Variants in ABRACL observed in about 807,000 individuals in gnomAD.
ABRACL encodes ABRA C-terminal like.
ABRACL carries 4 observed loss-of-function variants against 7.0 expected under a neutral mutation model. The ratio of observed to expected loss-of-function variants is 0.57; its 90% CI spans 0.28 to 1.30. The LOEUF (loss-of-function observed/expected upper bound fraction) is 1.30, where lower values mean the gene tolerates loss of function less well. ABRACL is among the 50% of genes most tolerant of loss of function. The pLI, the probability that ABRACL is intolerant of heterozygous loss-of-function variation, is 0.10. For missense variants in ABRACL, 104 were observed against 97.3 expected, an observed-to-expected ratio of 1.07 and a Z score of -0.29; for synonymous variants, 30 against 36.0, an observed-to-expected ratio of 0.83 and a Z score of 0.60.
intron 2 of ABRACL, among the ~76,000 whole-genome samples, chr6:139,035,548 T>C (rs1786140771): frequency 6.6e-6 from 1 of 151,890 alleles, no homozygotes. Flanking sequence ...AGTGGTGCAA[T>C]CTCAGCTCAC....
chr6:139,029,882 C>T (rs1380525453), intron 1 of ABRACL, among the ~76,000 whole-genome samples: 2 of 152,152 alleles, frequency 1.3e-5, no homozygotes, highest in Admixed American at 6.5e-5. Flanking sequence ...CATGCATTGC[C>T]TCCAAACTTT....
At chr6:139,035,418 C>G (rs896142614) in intron 2 of ABRACL, among the ~76,000 whole-genome samples, 2 of 152,130 alleles carry the variant, frequency 1.3e-5, no homozygotes, top group Non-Finnish European at 2.9e-5. Context: ...CTGTGTTTCT[C>G]TGTCTTCAAA....
rs561665654 is a variant in ABRACL, at chr6:139,040,216, A to G, written c.62-2503A>G. Among the ~76,000 whole-genome samples the G allele has an allele frequency of 1.2e-4, 19 of 152,322 alleles. No homozygotes were observed. In the East Asian group the frequency reaches 3.7e-3, roughly 29 times the overall value. Reference sequence around the variant, plus strand: ...GTGGAGGATGTATTGAGGGGCAAAAATGCAGAAAAGGAGGCTGGTACAGAG... The same window carrying G: ...GTGGAGGATGTATTGAGGGGCAAAAGTGCAGAAAAGGAGGCTGGTACAGAG... On this transcript the variant is annotated intron_variant, in intron 2 of 2. Coordinates refer to ENST00000367660, the MANE Select transcript of ABRACL (RefSeq NM_021243.3).
intron 1 of ABRACL, among the ~76,000 whole-genome samples, chr6:139,033,334 T>C (rs1786108760): frequency 6.6e-6 from 1 of 152,240 alleles, no homozygotes; most frequent in Non-Finnish European, 1.5e-5. Flanking sequence ...TGCAGATGAA[T>C]GAACTTCACC....
intron 2 of ABRACL, among the ~76,000 whole-genome samples, chr6:139,035,736 G>T (rs1786145402): frequency 1.3e-5 from 2 of 151,010 alleles, no homozygotes; most frequent in Non-Finnish European, 3.0e-5. Flanking sequence ...ACCTGCCTCG[G>T]CCTCCCAAAA....
intron 2 of ABRACL, among the ~76,000 whole-genome samples, chr6:139,041,872 T>C (rs1295054342): frequency 1.3e-5 from 2 of 152,122 alleles, no homozygotes; most frequent in Non-Finnish European, 2.9e-5. Flanking sequence ...AGTAGGAGTT[T>C]GCCAAGCATC....
At chr6:139,030,167 T>C (rs571720909) in intron 1 of ABRACL, among the ~76,000 whole-genome samples, 5 of 152,162 alleles carry the variant, frequency 3.3e-5, no homozygotes, top group East Asian at 1.9e-4. Flanking sequence ...CTTTTCTTTT[T>C]TTTTTTCTTA....
At chr6:139,033,264 G>A (rs1376944485) in intron 1 of ABRACL, among the ~76,000 whole-genome samples, 2 of 152,216 alleles carry the variant, frequency 1.3e-5, no homozygotes, top group African/African-American at 2.4e-5. Context: ...CCAGCTCGTG[G>A]AGGACTTAGT....
intron 1 of ABRACL, among the ~76,000 whole-genome samples, chr6:139,029,976 C>A (rs534677841): frequency 2.6e-5 from 4 of 152,082 alleles, no homozygotes; most frequent in Non-Finnish European, 5.9e-5. Context: ...CCCAGTCCTC[C>A]GACTTTCCGC....
In ABRACL at chr6:139,043,132, C is replaced by G. The variant is rs1250412456; in HGVS notation, c.*229C>G. 3.0e-6 allele frequency: 1 copy of G among 333,924 alleles called. No homozygotes were observed. The highest frequency in any genetic ancestry group is 2.1e-5 in the African/African-American group (1 of 47,154). 20.7% of individuals were successfully genotyped at this position (333,924 alleles called of 1,614,324 possible). ...TTCTCAGGAATCTGGTTAGGAATTGCAGGCAATGAGATTTTTTGCGGGGCA... is the reference window on the plus strand; with the variant it reads ...TTCTCAGGAATCTGGTTAGGAATTGGAGGCAATGAGATTTTTTGCGGGGCA... On this transcript the variant is annotated 3_prime_UTR_variant, in exon 3 of 3. Transcript: ENST00000367660.
chr6:139,041,531 A>ATTTTTTTTT (rs1554211161), intron 2 of ABRACL, among the ~76,000 whole-genome samples: 9,888 of 125,800 alleles, frequency 0.079, 608 homozygotes, highest in South Asian at 0.19. Flanking sequence ...ATATATATAT[A>ATTTTTTTTT]TTTTTTTTTA....
At chr6:139,032,773 C>A (rs991242826) in intron 1 of ABRACL, among the ~76,000 whole-genome samples, 1 of 152,148 alleles carries the variant, frequency 6.6e-6, no homozygotes, top group Non-Finnish European at 1.5e-5. Context: ...CATCTTCTAC[C>A]CAGTTGCTCA....
intron 1 of ABRACL, among the ~76,000 whole-genome samples, chr6:139,032,442 A>C (rs928066415): frequency 6.6e-6 from 1 of 152,244 alleles, no homozygotes; most frequent in Non-Finnish European, 1.5e-5. Flanking sequence ...GATGCATTTA[A>C]TTGAATATTT....
At chr6:139,033,649 A>G (rs1415861859) in intron 1 of ABRACL, among the ~76,000 whole-genome samples, 1 of 152,114 alleles carries the variant, frequency 6.6e-6, no homozygotes, top group Non-Finnish European at 1.5e-5. Flanking sequence ...AGTCCTCCCC[A>G]GTGACCTCCA....
intron 2 of ABRACL, among the ~76,000 whole-genome samples, chr6:139,041,505 G>A (rs1223339114): frequency 1.7e-5 from 1 of 60,522 alleles, no homozygotes; most frequent in African/African-American, 6.6e-5. Flanking sequence ...GTGTGTGTGT[G>A]TGTGTGTGTA....
At chr6:139,037,727 G>A (rs1009647634) in intron 2 of ABRACL, among the ~76,000 whole-genome samples, 6 of 151,522 alleles carry the variant, frequency 4.0e-5, no homozygotes, top group Non-Finnish European at 8.8e-5. Flanking sequence ...CCTGAGCTCA[G>A]TGAGGTCATG....
intron 1 of ABRACL, among the ~76,000 whole-genome samples, chr6:139,029,436 C>A (rs1369996816): frequency 6.6e-6 from 1 of 151,828 alleles, no homozygotes; most frequent in Admixed American, 6.5e-5. Flanking sequence ...TCTCGCGGCG[C>A]TTCGGGGCGC....
chr6:139,029,731 C>T (rs1786051223), intron 1 of ABRACL, among the ~76,000 whole-genome samples: 1 of 152,062 alleles, frequency 6.6e-6, no homozygotes, highest in African/African-American at 2.4e-5. Flanking sequence ...CCCAGTCACC[C>T]TTTGACCCGC....
chr6:139,034,450 A>ATT, intron 2 of ABRACL: 1 of 1,457,156 alleles, frequency 6.9e-7, no homozygotes, highest in Non-Finnish European at 9.1e-7. Context: ...GAGATATTTC[A>ATT]TTATTTTTCG....
Sources: allele counts gnomAD v4.1 joint callset (sites outside exome capture counted in the v4.1 genomes callset), GRCh38; gene constraint gnomAD v4.1.1; transcripts MANE v1.5; gene names NCBI Gene and HGNC (gene_info 2026-07-23, HGNC 2026-07-21).